The following SGPP2 variants were observed in gnomAD, a reference collection of about 807,000 sequenced individuals.
SGPP2 encodes the protein sphingosine-1-phosphate phosphatase 2.
Under a neutral mutation model 33.9 loss-of-function variants are expected in SGPP2, and 30 were observed. The ratio of observed to expected loss-of-function variants is 0.89; its 90% confidence interval spans 0.66 to 1.20. The LOEUF is 1.20. Ranked by LOEUF, SGPP2 falls within the 50% of genes most tolerant of loss-of-function variation. SGPP2 has a pLI of 0.00. For missense variants in SGPP2, 458 were observed against 532.1 expected, an observed-to-expected ratio of 0.86 and a Z score of 1.37; for synonymous variants, 233 against 225.0, an observed-to-expected ratio of 1.04 and a Z score of -0.32.
chr2:222,441,118 A>G (rs981036960), intron 1 of SGPP2, among the ~76,000 whole-genome samples: 1 of 152,256 alleles, frequency 6.6e-6, no homozygotes, highest in Middle Eastern at 3.2e-3. Flanking sequence ...TCTGATGTAC[A>G]TAAAAAGTAG....
intron 2 of SGPP2, among the ~76,000 whole-genome samples, chr2:222,493,578 C>T (rs1011666358): frequency 2.0e-5 from 3 of 152,170 alleles, no homozygotes; most frequent in Admixed American, 2.0e-4. Context: ...TACAGCAGTC[C>T]TCCCGCCTTG....
chr2:222,460,379 G>A lies in SGPP2; in HGVS notation c.220-14189G>A, dbSNP rs942917076. 1.3e-5 allele frequency among the ~76,000 whole-genome samples: 2 copies of A among 152,192 alleles called. No homozygotes were observed. Among genetic ancestry groups the A allele is most frequent in the African/African-American group, 4.8e-5 (2 of 41,438 alleles). On this transcript the variant is annotated intron_variant, in intron 1 of 4. Coordinates refer to ENST00000321276, the MANE Select transcript of SGPP2 (RefSeq NM_152386.4). The surrounding 1 kb of genome is among the most constrained non-coding windows in gnomAD (Gnocchi z 4.3). ...GCTCCAGTGGGGCTGCTGGGCTGTG[G>A]ATGGCAGAGGCTGGGTTGTGTATAA...
At chr2:222,471,495 A>C (rs1322529780) in intron 1 of SGPP2, among the ~76,000 whole-genome samples, 1 of 152,080 alleles carries the variant, frequency 6.6e-6, no homozygotes, top group Non-Finnish European at 1.5e-5. Flanking sequence ...TCCTTTAAAA[A>C]TTTATTCCCC....
intron 2 of SGPP2, among the ~76,000 whole-genome samples, chr2:222,491,884 A>T (rs923765072): frequency 6.6e-6 from 1 of 152,226 alleles, no homozygotes; most frequent in African/African-American, 2.4e-5. Context: ...CCAAGATACA[A>T]TGGGGGTACA....
chr2:222,496,857 T>A (rs1456082450), intron 2 of SGPP2, among the ~76,000 whole-genome samples: 2 of 152,220 alleles, frequency 1.3e-5, no homozygotes, highest in Non-Finnish European at 2.9e-5. Flanking sequence ...TTATTGCTTC[T>A]TGAACCTGGC....
chr2:222,484,432 G>T (rs1324481647), intron 2 of SGPP2, among the ~76,000 whole-genome samples: 1 of 152,194 alleles, frequency 6.6e-6, no homozygotes, highest in Non-Finnish European at 1.5e-5. Flanking sequence ...TTAAAGCTTT[G>T]TCAGGTAGAA....
At chr2:222,449,095 C>T (rs1559146740) in intron 1 of SGPP2, among the ~76,000 whole-genome samples, 1 of 152,174 alleles carries the variant, frequency 6.6e-6, no homozygotes, top group Non-Finnish European at 1.5e-5. Context: ...ATTCCGAAAA[C>T]ATGTTCTTGT....
chr2:222,453,890 T>A (rs1171738702), intron 1 of SGPP2, among the ~76,000 whole-genome samples: 1 of 152,130 alleles, frequency 6.6e-6, no homozygotes, highest in African/African-American at 2.4e-5. Flanking sequence ...TGTTATATAG[T>A]TGAGGAAACG....
chr2:222,537,533 A>G (rs1204123513), intron 4 of SGPP2, among the ~76,000 whole-genome samples: 7 of 152,366 alleles, frequency 4.6e-5, no homozygotes, highest in South Asian at 4.1e-4. Flanking sequence ...TACCATTTTT[A>G]CATTCTTGCC....
intron 1 of SGPP2, among the ~76,000 whole-genome samples, chr2:222,440,086 G>A (rs143768277): frequency 7.9e-5 from 12 of 152,192 alleles, no homozygotes; most frequent in Admixed American, 5.9e-4. Flanking sequence ...CATTTTTCTC[G>A]CAACTTTTAC....
chr2:222,467,150 G>A (rs141026724), intron 1 of SGPP2, among the ~76,000 whole-genome samples: 69 of 152,214 alleles, frequency 4.5e-4, no homozygotes, highest in Admixed American at 2.0e-3. Flanking sequence ...TGAGGTCCAC[G>A]GGCCAGCAAC....
Position 222,424,550 on chromosome 2 carries a change from GA to G in SGPP2, c.-52del. 2 of 1,146,642 alleles carry G rather than the reference GA, an allele frequency of 1.7e-6. No individual in the cohort carries two copies. The highest frequency in any genetic ancestry group is 8.4e-5 in the South Asian group (2 of 23,688). 71.0% of individuals were successfully genotyped at this position (1,146,642 alleles called of 1,614,324 possible). ...CGAGGCGGGAGTGGCGGTGCCAGCG[GA>G]GGGCACCGGCCCGGCGTGGCAGCGG... is the stretch of plus-strand genomic sequence containing the variant. On this transcript the variant is annotated 5_prime_UTR_variant, in exon 1 of 5. Coordinates refer to ENST00000321276, the MANE Select transcript of SGPP2 (RefSeq NM_152386.4).
rs34056381 is a variant in SGPP2, at chr2:222,561,534, T to TTA, written c.*2652_*2653dup. 1.5e-3 allele frequency among the ~76,000 whole-genome samples: 220 copies of TTA among 145,864 alleles called. No individual in the cohort carries two copies. Among genetic ancestry groups the TTA allele is most frequent in the South Asian group, 4.5e-3 (21 of 4,684 alleles). ...ATATATATGATATATATATATCATT[T>TTA]TATATATATATATATATCATATACA... is the stretch of plus-strand genomic sequence containing the variant. On this transcript the variant is annotated 3_prime_UTR_variant, in exon 5 of 5. Transcript: ENST00000321276.
intron 4 of SGPP2, among the ~76,000 whole-genome samples, chr2:222,533,736 T>G (rs951391341): frequency 4.6e-5 from 7 of 152,066 alleles, no homozygotes; most frequent in African/African-American, 1.7e-4. Context: ...GCATGGTGGA[T>G]TCATACTCTC....
intron 2 of SGPP2, among the ~76,000 whole-genome samples, chr2:222,512,662 C>T (rs1304668574): frequency 1.3e-5 from 2 of 152,144 alleles, no homozygotes; most frequent in Non-Finnish European, 2.9e-5. Flanking sequence ...CCCTGGAAGC[C>T]ACTGATCTTT....
intron 2 of SGPP2, among the ~76,000 whole-genome samples, chr2:222,486,730 AGAGGTGTAGAG>A (rs1698115844): frequency 6.8e-6 from 1 of 147,814 alleles, no homozygotes; most frequent in Non-Finnish European, 1.5e-5. Context: ...TGACATGGCC[AGAGGTGTAGAG>A]CCTAGATTCG....
intron 1 of SGPP2, among the ~76,000 whole-genome samples, chr2:222,429,856 C>T (rs1225094702): frequency 2.0e-5 from 3 of 152,186 alleles, no homozygotes; most frequent in African/African-American, 2.4e-5. Context: ...CAAACCACTA[C>T]GAGGGCAGGT....
chr2:222,434,865 GAAC>G (rs936797627), intron 1 of SGPP2, among the ~76,000 whole-genome samples: 19 of 151,918 alleles, frequency 1.3e-4, no homozygotes, highest in African/African-American at 4.3e-4. Context: ...CTGTGAAATA[GAAC>G]ATCAAGTATT....
chr2:222,544,123 C>A (rs559985102), intron 4 of SGPP2, among the ~76,000 whole-genome samples: 2 of 152,268 alleles, frequency 1.3e-5, no homozygotes, highest in East Asian at 3.9e-4. Context: ...GGGTAGTTAG[C>A]AGAAAACTAA....
Sources: allele counts gnomAD v4.1 joint callset (sites outside exome capture counted in the v4.1 genomes callset), GRCh38; gene constraint gnomAD v4.1.1; non-coding constraint Gnocchi (gnomAD v3.1); transcripts MANE v1.5; gene names NCBI Gene and HGNC (gene_info 2026-07-23, HGNC 2026-07-21).